NLGN1: variants seen among roughly 807,000 people sequenced by gnomAD.
NLGN1 encodes neuroligin 1.
NLGN1 carries 12 observed loss-of-function variants against 65.5 expected under a neutral mutation model. The ratio of observed to expected loss-of-function variants is 0.18; its 90% CI spans 0.12 to 0.30. The LOEUF (loss-of-function observed/expected upper bound fraction) is 0.30. Ranked by LOEUF, NLGN1 falls within the 10% of genes least tolerant of loss-of-function variation. The pLI, the probability that NLGN1 is intolerant of heterozygous loss-of-function variation, is 1.00. For missense variants in NLGN1, 750 were observed against 1,007.1 expected, an observed-to-expected ratio of 0.74 and a Z score of 3.46; for synonymous variants, 350 against 359.5, an observed-to-expected ratio of 0.97 and a Z score of 0.30.
At chr3:174,015,574 G>C (rs577879997) in intron 4 of NLGN1, among the ~76,000 whole-genome samples, 2 of 152,188 alleles carry the variant, frequency 1.3e-5, no homozygotes, top group Non-Finnish European at 2.9e-5. Flanking sequence ...AATGTTGGGG[G>C]AACACAATTC....
chr3:173,896,712 T>C (rs1325642920), intron 4 of NLGN1, among the ~76,000 whole-genome samples: 4 of 152,132 alleles, frequency 2.6e-5, no homozygotes, highest in African/African-American at 9.7e-5. Context: ...ATACCATAGA[T>C]GCTGACATGC....
chr3:174,042,926 T>G lies in NLGN1; in HGVS notation c.647-232389T>G, dbSNP rs200022050. Among the ~76,000 whole-genome samples, 19 of 152,222 alleles carry G rather than the reference T, an allele frequency of 1.2e-4. No individual in the cohort carries two copies. In the East Asian group the frequency reaches 2.3e-3, roughly 19 times the overall value. On this transcript the variant is annotated intron_variant, in intron 4 of 6. Transcript: ENST00000457714. ...GCTGCTATGAAGGAATACCTAAGAC[T>G]GGGTAATTTATAAAGAAAAGAGATT...
At chr3:173,880,353 A>G (rs1453892757) in intron 4 of NLGN1, among the ~76,000 whole-genome samples, 2 of 151,938 alleles carry the variant, frequency 1.3e-5, no homozygotes, top group Non-Finnish European at 2.9e-5. Flanking sequence ...TCTTAGCTGT[A>G]CCATTGCCGT....
At chr3:173,492,279 T>C (rs1165058871) in intron 2 of NLGN1, among the ~76,000 whole-genome samples, 1 of 151,884 alleles carries the variant, frequency 6.6e-6, no homozygotes, top group Non-Finnish European at 1.5e-5. Flanking sequence ...TCTCCCTGCA[T>C]CTGCATTCGA....
chr3:173,693,281 G>C (rs1429106431), intron 3 of NLGN1, among the ~76,000 whole-genome samples: 1 of 151,870 alleles, frequency 6.6e-6, no homozygotes, highest in African/African-American at 2.4e-5. Context: ...TTTTAATTGT[G>C]AAGTTAAAGG....
intron 1 of NLGN1, among the ~76,000 whole-genome samples, chr3:173,426,188 T>G (rs1716067871): frequency 6.6e-6 from 1 of 152,128 alleles, no homozygotes; most frequent in South Asian, 2.1e-4. Flanking sequence ...GTATTATATT[T>G]TGCAACTTCA....
intron 3 of NLGN1, among the ~76,000 whole-genome samples, chr3:173,698,855 G>GTTGT (rs201682832): frequency 6.6e-6 from 1 of 151,734 alleles, no homozygotes; most frequent in African/African-American, 2.4e-5. Flanking sequence ...AATTTTTTTT[G>GTTGT]TTGTTTGTTT....
chr3:173,408,159 A>G (rs1461234942), intron 1 of NLGN1, among the ~76,000 whole-genome samples: 1 of 152,090 alleles, frequency 6.6e-6, no homozygotes, highest in Admixed American at 6.5e-5. Flanking sequence ...CTCTAGCCCA[A>G]GCACTCTTTC....
At chr3:174,138,433 C>CTT (rs58713208) in intron 4 of NLGN1, among the ~76,000 whole-genome samples, 15,480 of 132,458 alleles carry the variant, frequency 0.12, 1,119 homozygotes, top group East Asian at 0.18. Context: ...TTCTACTATT[C>CTT]TTTTTTTTTT....
chr3:174,118,930 C>T (rs917253126), intron 4 of NLGN1, among the ~76,000 whole-genome samples: 3 of 151,692 alleles, frequency 2.0e-5, no homozygotes, highest in Non-Finnish European at 4.4e-5. Flanking sequence ...AGTAAAAGAC[C>T]GTATGTAATC....
chr3:173,446,495 T>A (rs1234041508), intron 2 of NLGN1, among the ~76,000 whole-genome samples: 2 of 152,214 alleles, frequency 1.3e-5, no homozygotes, highest in African/African-American at 4.8e-5. Flanking sequence ...TTCTAAGTCT[T>A]TGCTATTGTG....
chr3:173,939,503 A>G (rs1246800383), intron 4 of NLGN1, among the ~76,000 whole-genome samples: 2 of 152,222 alleles, frequency 1.3e-5, no homozygotes, highest in Non-Finnish European at 2.9e-5. Flanking sequence ...GAAACAATCA[A>G]TAAAAAAGGC....
intron 4 of NLGN1, among the ~76,000 whole-genome samples, chr3:173,840,758 T>C (rs1578728992): frequency 6.6e-6 from 1 of 152,174 alleles, no homozygotes; most frequent in African/African-American, 2.4e-5. Context: ...GTATCCTCTT[T>C]CCAGTCTCCC....
chr3:173,687,632 A>C (rs9845654), intron 3 of NLGN1, among the ~76,000 whole-genome samples: 4,485 of 152,308 alleles, frequency 0.029, 218 homozygotes, highest in African/African-American at 0.1. Flanking sequence ...GAAAAATAAA[A>C]TGTTTAAATA....
chr3:174,054,893 G>T (rs1735710960), intron 4 of NLGN1, among the ~76,000 whole-genome samples: 2 of 151,994 alleles, frequency 1.3e-5, no homozygotes, highest in South Asian at 4.1e-4. Flanking sequence ...ATTACTTGCA[G>T]TTTGCAAGCC....
chr3:173,520,851 T>A (rs1734637192), intron 2 of NLGN1, among the ~76,000 whole-genome samples: 1 of 152,200 alleles, frequency 6.6e-6, no homozygotes, highest in Non-Finnish European at 1.5e-5. Context: ...CTAGAATTAT[T>A]GAATACAATA....
chr3:173,542,720 C>T (rs928972435), intron 2 of NLGN1, among the ~76,000 whole-genome samples: 2 of 151,990 alleles, frequency 1.3e-5, no homozygotes, highest in African/African-American at 2.4e-5. Flanking sequence ...GGCTTTCATT[C>T]TAACCCCTGT....
At chr3:173,784,776 G>A (rs1004350360) in intron 3 of NLGN1, among the ~76,000 whole-genome samples, 1 of 152,168 alleles carries the variant, frequency 6.6e-6, no homozygotes, top group African/African-American at 2.4e-5. Context: ...ATGAAGATTT[G>A]TAAATATATA....
At chr3:173,687,373 C>T (rs1020038986) in intron 3 of NLGN1, among the ~76,000 whole-genome samples, 1 of 152,156 alleles carries the variant, frequency 6.6e-6, no homozygotes, top group Non-Finnish European at 1.5e-5. Flanking sequence ...GGTATGGCTT[C>T]ACTAGAAGAT....
Sources: allele counts gnomAD v4.1 joint callset (sites outside exome capture counted in the v4.1 genomes callset), GRCh38; gene constraint gnomAD v4.1.1; transcripts MANE v1.5; gene names NCBI Gene and HGNC (gene_info 2026-07-23, HGNC 2026-07-21).